CD48: variants seen among roughly 807,000 people sequenced by gnomAD.
The protein encoded by CD48 is CD48 antigen.
In CD48, 20 loss-of-function variants were observed where a neutral mutation model predicts 22.0. The observed-to-expected ratio is 0.91, with a 90% CI of 0.64 to 1.32. The LOEUF (loss-of-function observed/expected upper bound fraction) is 1.32. CD48 is among the 40% of genes most tolerant of loss of function. CD48 has a pLI of 0.00. For missense variants in CD48, 307 were observed against 286.5 expected (o/e 1.07, Z -0.52); for synonymous variants, 110 against 110.1 (o/e 1.00, Z 0.01).
intron 1 of CD48, among the ~76,000 whole-genome samples, chr1:160,703,887 C>A (rs78634200): frequency 0.081 from 12,252 of 152,176 alleles, 586 homozygotes; most frequent in South Asian, 0.16. Flanking sequence ...ACATAAACAA[C>A]AGCAAGGAGG....
At position 160,702,396 on chromosome 1, in the gene CD48, C is replaced by A. The variant is rs1032817332; in HGVS notation, c.82+9286G>T. Among the ~76,000 whole-genome samples, 6 of 152,088 alleles carry A rather than the reference C, an allele frequency of 3.9e-5. No homozygotes were observed. In the South Asian group the frequency reaches 1.2e-3, roughly 32 times the overall value. ...GTTTGTGCTGGGGGTTGCACTGGGA[C>A]TGCCTGAAGTGGAAACGCAATGTTG... is the stretch of plus-strand genomic sequence containing the variant. On this transcript the variant is annotated intron_variant, in intron 1 of 3. Transcript: ENST00000368046.
At chr1:160,692,875 T>C (rs537271628) in intron 1 of CD48, among the ~76,000 whole-genome samples, 98 of 152,300 alleles carry the variant, frequency 6.4e-4, no homozygotes, top group Middle Eastern at 6.8e-3. Context: ...CCAACTCCCC[T>C]TATATGAGGA....
intron 1 of CD48, among the ~76,000 whole-genome samples, chr1:160,703,700 G>T (rs375183384): frequency 6.6e-6 from 1 of 152,196 alleles, no homozygotes; most frequent in East Asian, 1.9e-4. Flanking sequence ...AAGGTAAGGG[G>T]AGTCACAAGT....
At chr1:160,691,830 A>G (rs971341330) in intron 1 of CD48, 1 of 365,396 alleles carries the variant, frequency 2.7e-6, no homozygotes, top group African/African-American at 2.1e-5. Context: ...AGTCGACAAG[A>G]GATCCCGAGT....
chr1:160,705,026 T>C (rs764823661), intron 1 of CD48, among the ~76,000 whole-genome samples: 27 of 152,208 alleles, frequency 1.8e-4, no homozygotes, highest in Non-Finnish European at 3.7e-4. Flanking sequence ...ATCACTCTGG[T>C]GTCATATGCT....
intron 1 of CD48, among the ~76,000 whole-genome samples, chr1:160,689,151 C>T (rs1044939398): frequency 1.1e-4 from 16 of 152,230 alleles, no homozygotes; most frequent in African/African-American, 1.9e-4. Flanking sequence ...GGAAGATAAG[C>T]AGCCTAGAAT....
intron 1 of CD48, among the ~76,000 whole-genome samples, chr1:160,700,041 G>T (rs984419422): frequency 6.6e-6 from 1 of 152,140 alleles, no homozygotes; most frequent in East Asian, 1.9e-4. Context: ...AAGGTTTGGG[G>T]AAATCCTGTA....
chr1:160,681,031 G>C, intron 3 of CD48, 171 bp downstream of exon 3: 1 of 1,478,608 alleles, frequency 6.8e-7, no homozygotes, highest in African/African-American at 1.4e-5. Flanking sequence ...AAGCTGGCTG[G>C]GAGGTGGTGG....
chr1:160,699,348 A>C (rs473883), intron 1 of CD48: 8 of 155,096 alleles, frequency 5.2e-5, no homozygotes, highest in African/African-American at 1.2e-4. Flanking sequence ...ACTGCGAAAG[A>C]CCGCAGGGAC....
chr1:160,680,720 G>A (rs1661761841), intron 3 of CD48: 1 of 1,021,734 alleles, frequency 9.8e-7, no homozygotes, highest in African/African-American at 1.7e-5. Context: ...CTCCTCGACG[G>A]CCTCTCTCAG....
chr1:160,681,690 G>A lies in CD48; in HGVS notation c.386-222C>T, dbSNP rs143155271. Among the ~76,000 whole-genome samples the A allele has an allele frequency of 1.4e-3, 206 of 152,272 alleles. 1 individual carries two copies. Among genetic ancestry groups the A allele is most frequent in the Admixed American group, 6.0e-3 (92 of 15,302 alleles). ...CTTCTAGGCAGTGAAGCTAAGCTGC[G>A]TCCTGGAGGGGGCGCCACAGTCCAT... On this transcript the variant is annotated intron_variant, in intron 2 of 3. Coordinates refer to ENST00000368046, the MANE Select transcript of CD48 (RefSeq NM_001778.4).
chr1:160,679,456 A>G (rs1281117704), intron 3 of CD48, among the ~76,000 whole-genome samples: 1 of 152,148 alleles, frequency 6.6e-6, no homozygotes, highest in Non-Finnish European at 1.5e-5. Flanking sequence ...AGGTACAGAC[A>G]GATGACCACA....
At chr1:160,683,828 T>C (rs990224823) in intron 2 of CD48, 2 of 152,176 alleles carry the variant, frequency 1.3e-5, no homozygotes, top group Non-Finnish European at 2.9e-5. Context: ...AACCCAAGGC[T>C]CTCAAGGGAA....
chr1:160,700,077 C>T (rs1490020447), intron 1 of CD48, among the ~76,000 whole-genome samples: 9 of 152,082 alleles, frequency 5.9e-5, no homozygotes, highest in South Asian at 2.1e-4. Context: ...CAATTAACTC[C>T]GCCTTTTGAG....
chr1:160,688,750 G>C (rs891865284), intron 1 of CD48, among the ~76,000 whole-genome samples: 3 of 152,156 alleles, frequency 2.0e-5, no homozygotes, highest in Admixed American at 6.5e-5. Context: ...GGCGGGTAAT[G>C]CCTTTATCTT....
chr1:160,690,623 G>T (rs1215400092), intron 1 of CD48, among the ~76,000 whole-genome samples: 1 of 152,122 alleles, frequency 6.6e-6, no homozygotes, highest in Non-Finnish European at 1.5e-5. Context: ...CTGGTAAAGT[G>T]GTATGAGACC....
chr1:160,682,640 A>G (rs1352207345), intron 2 of CD48, among the ~76,000 whole-genome samples: 1 of 152,132 alleles, frequency 6.6e-6, no homozygotes, highest in Non-Finnish European at 1.5e-5. Flanking sequence ...TAGGCAAGGT[A>G]GTTAACCCCC....
chr1:160,710,670 CCT>C, intron 1 of CD48, among the ~76,000 whole-genome samples: 1 of 152,286 alleles, frequency 6.6e-6, no homozygotes, highest in East Asian at 1.9e-4. Flanking sequence ...ATACCAATGT[CCT>C]ATGCATTGAG....
chr1:160,705,531 A>G (rs937857802), intron 1 of CD48, among the ~76,000 whole-genome samples: 3 of 152,160 alleles, frequency 2.0e-5, no homozygotes, highest in Admixed American at 1.3e-4. Context: ...ACATGAATAC[A>G]GTCATCGCAC....
Sources: gnomAD v4.1 joint callset for allele counts (sites outside exome capture counted in the v4.1 genomes callset) on GRCh38, gnomAD v4.1.1 for gene constraint, MANE v1.5 for transcripts, NCBI Gene and HGNC (gene_info 2026-07-23, HGNC 2026-07-21) for gene names.